Variants in CSMD1 observed in about 807,000 individuals in gnomAD.
CSMD1 encodes CUB and sushi domain-containing protein 1.
Under a neutral mutation model 417.5 loss-of-function variants are expected in CSMD1, and 213 were observed. The ratio of observed to expected loss-of-function variants is 0.51; its 90% CI spans 0.46 to 0.57. The LOEUF is 0.57. Ranked by LOEUF, CSMD1 falls within the 20% of genes least tolerant of loss-of-function variation. The pLI, the probability that CSMD1 is intolerant of heterozygous loss-of-function variation, is 0.00. For synonymous variants in CSMD1, 2,862 were observed against 1,736.8 expected (o/e 1.65, Z -16.11); for missense variants, 6,923 against 4,529.7 (o/e 1.53, Z -15.17).
chr8:3,170,459 C>T (rs182820511), intron 37 of CSMD1, among the ~76,000 whole-genome samples: 49 of 152,326 alleles, frequency 3.2e-4, no homozygotes, highest in South Asian at 8.3e-4. Context: ...CCGCCCGCCT[C>T]GGCCTCCCAA....
At chr8:4,537,800 G>C (rs1238552975) in intron 2 of CSMD1, among the ~76,000 whole-genome samples, 3 of 152,180 alleles carry the variant, frequency 2.0e-5, no homozygotes, top group Non-Finnish European at 4.4e-5. Flanking sequence ...GACTCTCAGG[G>C]CCGTGTTTAT....
intron 49 of CSMD1, among the ~76,000 whole-genome samples, chr8:3,067,401 T>A (rs1446518303): frequency 6.6e-6 from 1 of 152,150 alleles, no homozygotes; most frequent in Non-Finnish European, 1.5e-5. Context: ...TGCAGGCTCA[T>A]GCTTCTTTCA....
intron 3 of CSMD1, among the ~76,000 whole-genome samples, chr8:4,194,195 A>G (rs1799199856): frequency 6.6e-6 from 1 of 152,182 alleles, no homozygotes; most frequent in Admixed American, 6.5e-5. Flanking sequence ...GTCATACCTG[A>G]CACTACTAAA....
At chr8:3,845,872 G>C (rs10092976) in intron 5 of CSMD1, among the ~76,000 whole-genome samples, 3 of 150,688 alleles carry the variant, frequency 2.0e-5, no homozygotes, top group African/African-American at 2.4e-5. Context: ...TAAAAATGAA[G>C]ACACAAACAC....
intron 3 of CSMD1, among the ~76,000 whole-genome samples, chr8:4,271,952 G>T (rs145247078): frequency 6.6e-6 from 1 of 152,264 alleles, no homozygotes; most frequent in East Asian, 1.9e-4. Flanking sequence ...CAGATCTCAT[G>T]TATGGGCAAA....
chr8:3,526,993 C>G (rs980542481), intron 10 of CSMD1, among the ~76,000 whole-genome samples: 7 of 151,948 alleles, frequency 4.6e-5, no homozygotes, highest in African/African-American at 7.3e-5. Flanking sequence ...GGGGCTATAT[C>G]CTTTTCTGGT....
intron 3 of CSMD1, among the ~76,000 whole-genome samples, chr8:4,230,875 C>T (rs1043030885): frequency 6.6e-6 from 1 of 152,096 alleles, no homozygotes; most frequent in African/African-American, 2.4e-5. Flanking sequence ...TTTAACGGCA[C>T]TAACTTGAGT....
chr8:4,797,451 T>C (rs755399754), intron 1 of CSMD1, among the ~76,000 whole-genome samples: 4 of 152,132 alleles, frequency 2.6e-5, no homozygotes, highest in Non-Finnish European at 4.4e-5. Context: ...GTACCAAATA[T>C]AGGTCATGTT....
intron 7 of CSMD1, among the ~76,000 whole-genome samples, chr8:3,627,121 T>C (rs1033382649): frequency 1.1e-4 from 16 of 152,158 alleles, no homozygotes; most frequent in African/African-American, 3.6e-4. Flanking sequence ...ATAACTCCAT[T>C]TGATGTAGTC....
intron 3 of CSMD1, among the ~76,000 whole-genome samples, chr8:4,198,777 G>C (rs1381327283): frequency 1.3e-5 from 2 of 151,892 alleles, no homozygotes; most frequent in African/African-American, 2.4e-5. Context: ...ACTATTCTAA[G>C]AGTTCATCGA....
At chr8:3,714,802 T>C (rs918194847) in intron 6 of CSMD1, among the ~76,000 whole-genome samples, 13 of 152,068 alleles carry the variant, frequency 8.5e-5, no homozygotes, top group Non-Finnish European at 1.6e-4. Flanking sequence ...GCATTTTTTG[T>C]CTAGTTTATG....
intron 1 of CSMD1, among the ~76,000 whole-genome samples, chr8:4,792,746 G>A (rs1463016487): frequency 3.9e-5 from 6 of 152,122 alleles, no homozygotes; most frequent in South Asian, 2.1e-4. Flanking sequence ...TTACACCGAT[G>A]CCCATTACTA....
intron 8 of CSMD1, among the ~76,000 whole-genome samples, chr8:3,608,898 G>C (rs905667270): frequency 6.6e-5 from 10 of 152,090 alleles, no homozygotes; most frequent in South Asian, 2.1e-4. Flanking sequence ...CTTCTGCTCA[G>C]CATATGCAAT....
intron 2 of CSMD1, among the ~76,000 whole-genome samples, chr8:4,588,527 G>A (rs1212109451): frequency 6.6e-6 from 1 of 151,726 alleles, no homozygotes; most frequent in Non-Finnish European, 1.5e-5. Context: ...GGGCATGGTG[G>A]CACATGCCTG....
chr8:4,355,719 A>C (rs1240855423), intron 3 of CSMD1, among the ~76,000 whole-genome samples: 1 of 152,180 alleles, frequency 6.6e-6, no homozygotes, highest in Non-Finnish European at 1.5e-5. Flanking sequence ...AGGGTCCAGC[A>C]ATGCATCTTT....
intron 26 of CSMD1, among the ~76,000 whole-genome samples, chr8:3,267,299 G>C (rs1424736221): frequency 1.3e-5 from 2 of 152,328 alleles, no homozygotes; most frequent in East Asian, 3.9e-4. Flanking sequence ...CTCACAAGGC[G>C]TGATATCCCA....
chr8:3,123,127 T>C (rs1440462956), intron 41 of CSMD1, among the ~76,000 whole-genome samples: 2 of 152,228 alleles, frequency 1.3e-5, no homozygotes, highest in Non-Finnish European at 2.9e-5. Flanking sequence ...TCTAAGCTGA[T>C]AAATGTAGGG....
At chr8:3,847,805 T>A (rs1188895104) in intron 5 of CSMD1, among the ~76,000 whole-genome samples, 3 of 152,194 alleles carry the variant, frequency 2.0e-5, no homozygotes, top group Non-Finnish European at 4.4e-5. Context: ...TGGGTGCCAA[T>A]AATTGCACAT....
intron 3 of CSMD1, among the ~76,000 whole-genome samples, chr8:4,278,333 C>G (rs759884053): frequency 2.6e-5 from 4 of 152,054 alleles, no homozygotes; most frequent in Non-Finnish European, 4.4e-5. Context: ...TACAAAATGG[C>G]TAATATGTGA....
Sources: gnomAD v4.1 joint callset for allele counts (sites outside exome capture counted in the v4.1 genomes callset) on GRCh38, gnomAD v4.1.1 for gene constraint, MANE v1.5 for transcripts, NCBI Gene and HGNC (gene_info 2026-07-23, HGNC 2026-07-21) for gene names.